The following GLS variants were observed in gnomAD, a reference collection of about 807,000 sequenced individuals.
GLS encodes the protein glutaminase.
Under a neutral mutation model 86.7 loss-of-function variants are expected in GLS, and 36 were observed. The observed-to-expected ratio is 0.42, with a 90% CI of 0.32 to 0.55. The LOEUF (loss-of-function observed/expected upper bound fraction) is 0.55, where lower values mean the gene tolerates loss of function less well. Ranked by LOEUF, GLS falls within the 20% of genes least tolerant of loss-of-function variation. The pLI is 0.17. For synonymous variants in GLS, 317 were observed against 305.9 expected, an observed-to-expected ratio of 1.04 and a Z score of -0.38; for missense variants, 528 against 833.4, an observed-to-expected ratio of 0.63 and a Z score of 4.51.
chr2:190,901,868 A>G (rs1688953486), intron 4 of GLS, 79 bp from the exon 5 acceptor site: 4 of 879,002 alleles, frequency 4.6e-6, no homozygotes, highest in Non-Finnish European at 7.8e-6. Flanking sequence ...GTAAAATGAG[A>G]TAAGAAATTT....
chr2:190,930,246 C>T lies in GLS; in HGVS notation c.1426-191C>T, dbSNP rs562040134. Among the ~76,000 whole-genome samples, 7 of 151,944 alleles carry T rather than the reference C, an allele frequency of 4.6e-5. No individual in the cohort carries two copies. The highest frequency in any genetic ancestry group is 3.9e-4 in the East Asian group (2 of 5,162). On this transcript the variant is annotated intron_variant, in intron 12 of 17. Coordinates refer to ENST00000320717, the MANE Select transcript of GLS (RefSeq NM_014905.5). This position sits in a 1 kb window ranked among gnomAD's most constrained non-coding sequence, Gnocchi z 5.0. The stretch of plus-strand genomic sequence containing the variant: ...CATGTCTCACTGTTTTTTGTAGAGA[C>T]GAGATCTCCCTGTGTTACCCAGCCT...
At chr2:190,950,194 G>A (rs886277815) in intron 14 of GLS, among the ~76,000 whole-genome samples, 2 of 152,060 alleles carry the variant, frequency 1.3e-5, no homozygotes, top group African/African-American at 4.8e-5. Context: ...CCAGCCAGAT[G>A]TTCTGAATGG....
Position 190,881,304 on chromosome 2 carries a change from A to C in GLS, c.220A>C (p.Ser74Arg), listed in dbSNP as rs1208132806. Residue 74 changes from serine (S) to arginine (R), a missense_variant, in exon 1 of 18, where the codon AGC (serine) becomes CGC (arginine). Around this residue, in one of 4 missense-constraint regions of GLS, gnomAD observed 224 missense variants for 187.9 expected, o/e 1.19. Coordinates refer to ENST00000320717, the MANE Select transcript of GLS (RefSeq NM_014905.5). ...PAEPLARGLS[S>R]SPSEILQELG... Reference sequence around the variant, plus strand: ...GGAGCCCCTCGCGCGGGGCCTGTCCAGCTCTCCTTCGGAGATCTTGCAGGA... The same window carrying C: ...GGAGCCCCTCGCGCGGGGCCTGTCCCGCTCTCCTTCGGAGATCTTGCAGGA... The C allele has an allele frequency of 5.4e-6, 8 of 1,492,766 alleles. No homozygotes were observed. The highest frequency in any genetic ancestry group is 7.1e-6 in the Non-Finnish European group (8 of 1,121,496). The allele number at this position is 1,492,766 out of a possible 1,614,324, so 92.5% of individuals were successfully genotyped here. A position where few individuals can be genotyped will look rare whatever the true frequency, so the allele number is the denominator to read the frequency against.
intron 1 of GLS, 32 bp downstream of exon 1, chr2:190,881,502 G>A: frequency 7.2e-6 from 11 of 1,529,526 alleles, no homozygotes; most frequent in Non-Finnish European, 9.7e-6. Context: ...AGGAGGCCTC[G>A]TTCCTTTCGG....
At position 190,962,764 on chromosome 2, in the gene GLS, T is replaced by C. The variant is rs923801648; in HGVS notation, c.1854-66T>C. On this transcript the variant is annotated intron_variant, in intron 17 of 17. Transcript: ENST00000320717. The surrounding 1 kb of genome is among the most constrained non-coding windows in gnomAD (Gnocchi z 4.2). ...TTAACCTGCATTTAAAATCTAGGAATGTGGGGTGATCATCTTTGTACATAA... is the reference window on the plus strand; with the variant it reads ...TTAACCTGCATTTAAAATCTAGGAACGTGGGGTGATCATCTTTGTACATAA... The C allele has an allele frequency of 5.2e-5, 54 of 1,040,084 alleles. No homozygotes were observed. The Admixed American group carries it at 7.5e-4, about 14-fold the overall frequency. The allele number at this position is 1,040,084 out of a possible 1,614,324, so 64.4% of individuals were successfully genotyped here. A position where few individuals can be genotyped will look rare whatever the true frequency, so the allele number is the denominator to read the frequency against.
rs1246100838 is a variant in GLS, at chr2:190,897,461, A to ATAG, written c.605+1736_605+1737insTAG. On this transcript the variant is annotated intron_variant, in intron 3 of 17. Coordinates refer to ENST00000320717, the MANE Select transcript of GLS (RefSeq NM_014905.5). The surrounding 1 kb of genome is among the most constrained non-coding windows in gnomAD (Gnocchi z 4.3). ...TAATTATTGTTTTAAACACTAATCCAATTTTTAAAAATCTATGCTTGTAAT... is the reference window on the plus strand; with the variant it reads ...TAATTATTGTTTTAAACACTAATCCATAGATTTTTAAAAATCTATGCTTGTAAT... Among the ~76,000 whole-genome samples, 1 of 152,212 alleles carries ATAG rather than the reference A, an allele frequency of 6.6e-6. No homozygotes were observed. The highest frequency in any genetic ancestry group is 1.5e-5 in the Non-Finnish European group (1 of 68,030).
At chr2:190,898,200 A>T (rs543940367) in intron 3 of GLS, among the ~76,000 whole-genome samples, 1 of 152,268 alleles carries the variant, frequency 6.6e-6, no homozygotes, top group Admixed American at 6.5e-5. Context: ...TAAAAATTTC[A>T]TATTTATTAT....
At position 190,963,421 on chromosome 2, in the gene GLS, TTAAG is replaced by T. The variant is rs1311369257; in HGVS notation, c.*437_*440del. ...TCAAGACTTCAAATACAAATTTAGT[TTAAG>T]TGTTTGAACAACTATATGCACTTAC... On this transcript the variant is annotated 3_prime_UTR_variant, in exon 18 of 18. Transcript: ENST00000320717. The T allele has an allele frequency of 6.4e-6, 1 of 155,232 alleles. No homozygotes were observed. The highest frequency in any genetic ancestry group is 1.9e-4 in the East Asian group (1 of 5,238). 9.6% of individuals were successfully genotyped at this position (155,232 alleles called of 1,614,324 possible).
At position 190,905,005 on chromosome 2, in the gene GLS, C is replaced by A; in HGVS notation, c.817C>A (p.His273Asn). 6.5e-7 allele frequency: 1 copy of A among 1,543,242 alleles called. No individual in the cohort carries two copies. The highest frequency in any genetic ancestry group is 8.9e-7 in the Non-Finnish European group (1 of 1,122,050). The change falls in exon 6 of 18, where the codon CAT becomes AAT. Residue 273 changes from histidine to asparagine, a missense_variant and splice_region_variant. Around this residue, in one of 4 missense-constraint regions of GLS, gnomAD observed 111 missense variants for 179.5 expected, o/e 0.62. Coordinates refer to ENST00000320717, the MANE Select transcript of GLS (RefSeq NM_014905.5). This position sits in a 1 kb window ranked among gnomAD's most constrained non-coding sequence, Gnocchi z 4.6. ...TTTTAAAAATCTCCTTTTAAATAGG[C>A]ATTCTACTGGAGATACCAAAGTTCC... is the stretch of plus-strand genomic sequence containing the variant. ...VSVCTVDGQR[H>N]STGDTKVPFC...
In GLS at chr2:190,915,047, T is replaced by G. The variant is rs527459701; in HGVS notation, c.1038+4726T>G. On this transcript the variant is annotated intron_variant, in intron 7 of 17. Coordinates refer to ENST00000320717, the MANE Select transcript of GLS (RefSeq NM_014905.5). Reference sequence around the variant, plus strand: ...ACTTTTTTTTTTTGAGACGAAGTCTTGCTTGTCGCCCAGGCTGGAGTGCAG... The same window carrying G: ...ACTTTTTTTTTTTGAGACGAAGTCTGGCTTGTCGCCCAGGCTGGAGTGCAG... Among the ~76,000 whole-genome samples the G allele has an allele frequency of 3.9e-4, 59 of 152,114 alleles. 1 individual carries two copies. In the South Asian group the frequency reaches 0.012, roughly 30 times the overall value.
At chr2:190,931,812 A>G (rs1168087299) in intron 14 of GLS, among the ~76,000 whole-genome samples, 175 bp downstream of exon 14, 1 of 152,032 alleles carries the variant, frequency 6.6e-6, no homozygotes, top group Non-Finnish European at 1.5e-5. Context: ...TTAAATACTT[A>G]AAGATTGTTT....
rs758228141 is a variant in GLS at position 190,920,722 on chromosome 2, T to C, written c.1039-302T>C. On this transcript the variant is annotated intron_variant, in intron 7 of 17. Coordinates refer to ENST00000320717, the MANE Select transcript of GLS (RefSeq NM_014905.5). The surrounding 1 kb of genome is among the most constrained non-coding windows in gnomAD (Gnocchi z 4.2). Reference sequence around the variant, plus strand: ...TAACACATTTTAGCAAATTATGTGCTGTCATGAAAGATAAGGGAATTCATG... The same window carrying C: ...TAACACATTTTAGCAAATTATGTGCCGTCATGAAAGATAAGGGAATTCATG... Among the ~76,000 whole-genome samples, 1 of 151,784 alleles carries C rather than the reference T, an allele frequency of 6.6e-6. No individual in the cohort carries two copies. Among genetic ancestry groups the C allele is most frequent in the Non-Finnish European group, 1.5e-5 (1 of 67,744 alleles).
rs545791352 is a variant in GLS, at chr2:190,921,381, C to T, written c.1130+178C>T. Among the ~76,000 whole-genome samples the T allele has an allele frequency of 2.0e-5, 3 of 151,940 alleles. No homozygotes were observed. The East Asian group carries it at 5.8e-4, about 29-fold the overall frequency. ...CAGGTAATCATACAATCAGAAGAGA[C>T]CCCAAGTTTATCTCAAATTACTGGT... On this transcript the variant is annotated intron_variant, in intron 9 of 17. Coordinates refer to ENST00000320717, the MANE Select transcript of GLS (RefSeq NM_014905.5). The surrounding 1 kb of genome is among the most constrained non-coding windows in gnomAD (Gnocchi z 4.2).
At chr2:190,885,825 G>C (rs1688360279) in intron 1 of GLS, among the ~76,000 whole-genome samples, 1 of 150,530 alleles carries the variant, frequency 6.6e-6, no homozygotes, top group African/African-American at 2.4e-5. Context: ...TTTTTTCTAG[G>C]TGATGATTAT....
At position 190,882,740 on chromosome 2, in the gene GLS, G is replaced by A. The variant is rs562602644; in HGVS notation, c.386+1270G>A. 2.8e-4 allele frequency among the ~76,000 whole-genome samples: 42 copies of A among 152,304 alleles called. 1 individual carries two copies. The South Asian group carries it at 8.1e-3, about 29-fold the overall frequency. ...GGCGAAATTTGTGGTATTTTGTGAT[G>A]TTGGTTTTGTGCCACAAAATAGCGT... On this transcript the variant is annotated intron_variant, in intron 1 of 17. Coordinates refer to ENST00000320717, the MANE Select transcript of GLS (RefSeq NM_014905.5).
chr2:190,929,162 A>AC (rs1553486192), intron 12 of GLS, among the ~76,000 whole-genome samples: 17 of 145,860 alleles, frequency 1.2e-4, no homozygotes, highest in African/African-American at 3.0e-4. Flanking sequence ...AATGACATTA[A>AC]TTTTTTTTTT....
rs76867174 is a variant in GLS at position 190,924,501 on chromosome 2, C to A, written c.1198-42C>A. The A allele has an allele frequency of 7.2e-3, 7,836 of 1,092,346 alleles. 166 individuals carry two copies. The highest frequency in any genetic ancestry group is 0.052 in the East Asian group (2,209 of 42,454). 67.7% of individuals were successfully genotyped at this position (1,092,346 alleles called of 1,614,324 possible). A position where few individuals can be genotyped will look rare whatever the true frequency, so the allele number is the denominator to read the frequency against. ...ATATATTTCTCTACTTATGTGCATT[C>A]CTGTGTGCCTGAATTTTTAATTGCC... On this transcript the variant is annotated intron_variant, in intron 10 of 17. Transcript: ENST00000320717. The surrounding 1 kb of genome is among the most constrained non-coding windows in gnomAD (Gnocchi z 5.2).
intron 1 of GLS, among the ~76,000 whole-genome samples, chr2:190,891,948 C>G (rs939234699): frequency 6.6e-6 from 1 of 152,128 alleles, no homozygotes; most frequent in East Asian, 1.9e-4. Context: ...GCTTCCAGCT[C>G]TTACCCATCT....
rs1247895865 is a variant in GLS, at chr2:190,900,603, T to C, written c.645T>C (p.Phe215=). 1 of 1,600,212 alleles carries C rather than the reference T, an allele frequency of 6.2e-7. No homozygotes were observed. The highest frequency in any genetic ancestry group is 1.3e-5 in the African/African-American group (1 of 74,680). The change falls in exon 4 of 18, where the codon TTT becomes TTC. Residue 215 remains phenylalanine (F), a synonymous_variant. Coordinates refer to ENST00000320717, the MANE Select transcript of GLS (RefSeq NM_014905.5). ...QSNIVLLTQA[F]RRKFVIPDFM... ...ACATTGTTTTGTTGACACAAGCATT[T>C]AGAAGAAAGTTTGTGATTCCTGACT...
Sources: allele counts gnomAD v4.1 joint callset (sites outside exome capture counted in the v4.1 genomes callset), GRCh38; gene constraint gnomAD v4.1.1; regional missense constraint gnomAD v4.1.1; non-coding constraint Gnocchi (gnomAD v3.1); transcripts MANE v1.5; gene names NCBI Gene and HGNC (gene_info 2026-07-23, HGNC 2026-07-21).